SNX29: variants seen among roughly 807,000 people sequenced by gnomAD.
SNX29 encodes sorting nexin-29.
A neutral mutation model predicts 102.1 loss-of-function variants in SNX29; 78 were observed. The observed-to-expected ratio is 0.76, with a 90% CI of 0.64 to 0.92. The LOEUF (loss-of-function observed/expected upper bound fraction) is 0.92. SNX29 is among the 40% of genes least tolerant of loss of function. SNX29 has a pLI of 0.00. For missense variants in SNX29, 1,280 were observed against 1,061.7 expected (o/e 1.21, Z -2.86); for synonymous variants, 580 against 414.5 (o/e 1.40, Z -4.85).
intron 19 of SNX29, among the ~76,000 whole-genome samples, chr16:12,489,341 C>G (rs765061329): frequency 6.6e-6 from 1 of 152,128 alleles, no homozygotes; most frequent in Non-Finnish European, 1.5e-5. Context: ...TTTCCTGAAG[C>G]CACCTTTTTG....
chr16:12,027,255 C>G (rs892837767), intron 3 of SNX29, 65 bp from the exon 4 acceptor site: 7 of 1,596,584 alleles, frequency 4.4e-6, no homozygotes, highest in African/African-American at 1.3e-5. Flanking sequence ...CCTGGAGATG[C>G]TGGGGCCGCC....
chr16:12,279,290 A>G (rs1466370911), intron 15 of SNX29, among the ~76,000 whole-genome samples: 1 of 152,210 alleles, frequency 6.6e-6, no homozygotes, highest in Non-Finnish European at 1.5e-5. Context: ...CCCTAAGTTC[A>G]TTGCTGGTGC....
In SNX29 at chr16:12,570,846, A is replaced by G. The variant is rs1434842726; in HGVS notation, c.*2217A>G. 4 of 231,878 alleles carry G rather than the reference A, an allele frequency of 1.7e-5. No homozygotes were observed. The highest frequency in any genetic ancestry group is 3.4e-5 in the Non-Finnish European group (4 of 117,308). 14.4% of individuals were successfully genotyped at this position (231,878 alleles called of 1,614,324 possible). A position where few individuals can be genotyped will look rare whatever the true frequency, so the allele number is the denominator to read the frequency against. On this transcript the variant is annotated 3_prime_UTR_variant, in exon 21 of 21. Coordinates refer to ENST00000566228, the MANE Select transcript of SNX29 (RefSeq NM_032167.5). ...CAAGTATGCTCTCAGCTGGTATTGA[A>G]CTGGTGGGAGAAACTGCCTCCTACT...
At chr16:12,505,086 A>C (rs557309918) in intron 19 of SNX29, among the ~76,000 whole-genome samples, 1 of 152,234 alleles carries the variant, frequency 6.6e-6, no homozygotes, top group Non-Finnish European at 1.5e-5. Flanking sequence ...CCTGGGCAAC[A>C]TAGTGAGACT....
chr16:12,055,635 G>A (rs564740155), intron 8 of SNX29, among the ~76,000 whole-genome samples: 3 of 152,178 alleles, frequency 2.0e-5, no homozygotes, highest in African/African-American at 7.2e-5. Flanking sequence ...AAGAGTTGCA[G>A]TTCAGGTCCA....
At chr16:12,128,742 C>G (rs932418461) in intron 12 of SNX29, among the ~76,000 whole-genome samples, 1 of 152,108 alleles carries the variant, frequency 6.6e-6, no homozygotes, top group Non-Finnish European at 1.5e-5. Context: ...GTGAGCCACC[C>G]TGCCCGGCCT....
chr16:11,993,033 T>G (rs956247590), intron 1 of SNX29, among the ~76,000 whole-genome samples: 2 of 151,874 alleles, frequency 1.3e-5, no homozygotes, highest in Non-Finnish European at 2.9e-5. Flanking sequence ...AGCGTGGTGG[T>G]GGGCACCCGT....
chr16:12,265,654 A>G (rs1378338059), intron 14 of SNX29, among the ~76,000 whole-genome samples: 3 of 130,842 alleles, frequency 2.3e-5, no homozygotes, highest in African/African-American at 8.4e-5. Context: ...TGTGCCTAGG[A>G]GTTTGAGACC....
rs2079220261 is a variant in SNX29 at position 12,573,002 on chromosome 16, G to C, written c.*4373G>C. ...TGTGCATTAATTCATTAAAGCTACT[G>C]TTAAATATTTGCTGTTTTTAGATTG... On this transcript the variant is annotated 3_prime_UTR_variant, in exon 21 of 21. Transcript: ENST00000566228. The C allele has an allele frequency of 3.0e-6, 1 of 332,512 alleles. No individual in the cohort carries two copies. The highest frequency in any genetic ancestry group is 1.3e-4 in the South Asian group (1 of 7,540). 20.6% of individuals were successfully genotyped at this position (332,512 alleles called of 1,614,324 possible).
intron 15 of SNX29, among the ~76,000 whole-genome samples, chr16:12,313,669 C>T (rs1034909077): frequency 2.6e-5 from 4 of 152,222 alleles, no homozygotes; most frequent in Non-Finnish European, 5.9e-5. Context: ...CTCAGGGCCC[C>T]ATGAGGGCAG....
At chr16:12,540,731 G>C (rs986312189) in intron 20 of SNX29, among the ~76,000 whole-genome samples, 1 of 152,198 alleles carries the variant, frequency 6.6e-6, no homozygotes, top group African/African-American at 2.4e-5. Context: ...GAAGAGCTGG[G>C]CATCCTTGGG....
chr16:12,060,744 AG>A, intron 8 of SNX29: 1 of 456,042 alleles, frequency 2.2e-6, no homozygotes, highest in African/African-American at 2.0e-5. Flanking sequence ...TTGATTGCTC[AG>A]AGGCAAGTGC....
At chr16:12,113,577 A>G (rs115497486) in intron 11 of SNX29, among the ~76,000 whole-genome samples, 2,411 of 152,328 alleles carry the variant, frequency 0.016, 62 homozygotes, top group African/African-American at 0.054. Flanking sequence ...ATGATACCAC[A>G]GCCTGAAGGG....
At chr16:12,259,931 C>T (rs984038873) in intron 14 of SNX29, among the ~76,000 whole-genome samples, 8 of 152,028 alleles carry the variant, frequency 5.3e-5, no homozygotes, top group African/African-American at 1.7e-4. Context: ...CCTAATCCCC[C>T]GCTGCCTCTG....
intron 8 of SNX29, among the ~76,000 whole-genome samples, chr16:12,059,645 C>T (rs956358418): frequency 5.9e-5 from 9 of 152,140 alleles, no homozygotes; most frequent in African/African-American, 1.9e-4. Context: ...TCCCTGCCTG[C>T]GGACCAAACC....
intron 13 of SNX29, among the ~76,000 whole-genome samples, chr16:12,161,087 C>G (rs2055765435): frequency 6.6e-6 from 1 of 152,216 alleles, no homozygotes; most frequent in Admixed American, 6.5e-5. Flanking sequence ...TTTCATCTTT[C>G]ATTTTCACCT....
At chr16:12,459,623 A>G (rs1294328785) in intron 18 of SNX29, among the ~76,000 whole-genome samples, 1 of 152,070 alleles carries the variant, frequency 6.6e-6, no homozygotes, top group Non-Finnish European at 1.5e-5. Context: ...GGGTGGAGGG[A>G]GTGTCATATC....
At chr16:12,196,181 G>T (rs1489255013) in intron 13 of SNX29, among the ~76,000 whole-genome samples, 1 of 151,912 alleles carries the variant, frequency 6.6e-6, no homozygotes, top group Non-Finnish European at 1.5e-5. Context: ...TCACCATGTT[G>T]CCCAGGCTGT....
intron 19 of SNX29, among the ~76,000 whole-genome samples, chr16:12,520,304 C>G (rs1191034831): frequency 5.9e-5 from 9 of 152,196 alleles, no homozygotes; most frequent in African/African-American, 2.2e-4. Flanking sequence ...AGTAGAATCT[C>G]AAAGAACTGA....
Sources: gnomAD v4.1 joint callset for allele counts (sites outside exome capture counted in the v4.1 genomes callset) on GRCh38, gnomAD v4.1.1 for gene constraint, MANE v1.5 for transcripts, NCBI Gene and HGNC (gene_info 2026-07-23, HGNC 2026-07-21) for gene names.